The following DLGAP2 variants were observed in gnomAD, a reference collection of about 807,000 sequenced individuals.
DLGAP2 encodes DLG associated protein 2, also known as disks large-associated protein 2.
In DLGAP2, 26 loss-of-function variants were observed where a neutral mutation model predicts 100.3. The observed-to-expected ratio is 0.26, with a 90% CI of 0.19 to 0.36. The LOEUF is 0.36. Ranked by LOEUF, DLGAP2 falls within the 10% of genes least tolerant of loss-of-function variation. The pLI is 1.00. For missense variants in DLGAP2, 1,858 were observed against 1,453.2 expected (o/e 1.28, Z -4.53); for synonymous variants, 886 against 630.1 (o/e 1.41, Z -6.08).
At position 1,708,228 on chromosome 8, in the gene DLGAP2, A is replaced by G. The variant is rs1477849127; in HGVS notation, c.*6822A>G. ...GCAATTAAATTTTTTGAGAAAAGTA[A>G]TGTTTACTTTTTTATTGGAGTGAAT... is the stretch of plus-strand genomic sequence containing the variant. On this transcript the variant is annotated 3_prime_UTR_variant, in exon 15 of 15. Coordinates refer to ENST00000637795, the MANE Select transcript of DLGAP2 (RefSeq NM_001346810.2). 1 of 152,182 alleles carries G rather than the reference A, an allele frequency of 6.6e-6. No individual in the cohort carries two copies. The highest frequency in any genetic ancestry group is 1.5e-5 in the Non-Finnish European group (1 of 68,034). 9.4% of individuals were successfully genotyped at this position (152,182 alleles called of 1,614,324 possible). A position where few individuals can be genotyped will look rare whatever the true frequency, so the allele number is the denominator to read the frequency against.
At chr8:856,787 A>T (rs955294014) in intron 1 of DLGAP2, among the ~76,000 whole-genome samples, 5 of 152,222 alleles carry the variant, frequency 3.3e-5, no homozygotes, top group Admixed American at 2.6e-4. Context: ...TGCTGTTGAG[A>T]TATCCATTTT....
chr8:1,124,889 C>T (rs2129048169), intron 2 of DLGAP2, among the ~76,000 whole-genome samples: 2 of 152,252 alleles, frequency 1.3e-5, no homozygotes, highest in South Asian at 4.1e-4. Flanking sequence ...GATTCCCATT[C>T]CAGTTGCTGA....
intron 12 of DLGAP2, among the ~76,000 whole-genome samples, chr8:1,688,627 T>C (rs1012048643): frequency 2.0e-5 from 3 of 152,174 alleles, no homozygotes; most frequent in Non-Finnish European, 2.9e-5. Context: ...TTCTTTCCCA[T>C]TTTCTGCATG....
At chr8:993,678 G>T (rs1376393761) in intron 2 of DLGAP2, among the ~76,000 whole-genome samples, 1 of 152,036 alleles carries the variant, frequency 6.6e-6, no homozygotes, top group East Asian at 1.9e-4. Flanking sequence ...AGCCTGAGAG[G>T]ACGTCAGTAC....
rs576814568 is a variant in DLGAP2, at chr8:1,530,890, G to C, written c.173-17736G>C. On this transcript the variant is annotated intron_variant, in intron 4 of 14. Coordinates refer to ENST00000637795, the MANE Select transcript of DLGAP2 (RefSeq NM_001346810.2). Reference sequence around the variant, plus strand: ...GGGGTCAGAAGAGACTGTTTCCTATGTGTGAATATCAGCCAGTGGTGTGAT... The same window carrying C: ...GGGGTCAGAAGAGACTGTTTCCTATCTGTGAATATCAGCCAGTGGTGTGAT... Among the ~76,000 whole-genome samples, 3 of 152,308 alleles carry C rather than the reference G, an allele frequency of 2.0e-5. No individual in the cohort carries two copies. The East Asian group carries it at 5.8e-4, about 29-fold the overall frequency.
chr8:1,303,906 T>C (rs1800427281), intron 3 of DLGAP2, among the ~76,000 whole-genome samples: 1 of 152,154 alleles, frequency 6.6e-6, no homozygotes, highest in African/African-American at 2.4e-5. Context: ...GATGGGATTT[T>C]GAGGCCATTC....
intron 1 of DLGAP2, among the ~76,000 whole-genome samples, chr8:745,093 T>C (rs1337906829): frequency 1.3e-5 from 2 of 152,200 alleles, no homozygotes; most frequent in Non-Finnish European, 2.9e-5. Context: ...CCGTCCCTTC[T>C]CCCGCTGCTT....
At chr8:1,165,395 G>A (rs1796996267) in intron 2 of DLGAP2, among the ~76,000 whole-genome samples, 1 of 152,224 alleles carries the variant, frequency 6.6e-6, no homozygotes, top group African/African-American at 2.4e-5. Flanking sequence ...CCGGGCTCGG[G>A]TCTTAGGGGA....
intron 8 of DLGAP2, among the ~76,000 whole-genome samples, chr8:1,661,787 A>G (rs1798414540): frequency 6.6e-6 from 1 of 152,222 alleles, no homozygotes; most frequent in African/African-American, 2.4e-5. Context: ...TCAGGTTTCA[A>G]GACTAGGAGG....
At chr8:1,153,189 G>A (rs1189706754) in intron 2 of DLGAP2, among the ~76,000 whole-genome samples, 2 of 152,222 alleles carry the variant, frequency 1.3e-5, no homozygotes, top group East Asian at 3.9e-4. Flanking sequence ...CGAGCGGTGT[G>A]GCAGGCAGAG....
intron 3 of DLGAP2, among the ~76,000 whole-genome samples, chr8:1,494,834 G>T (rs1279900286): frequency 1.3e-5 from 2 of 152,156 alleles, no homozygotes; most frequent in African/African-American, 4.8e-5. Flanking sequence ...CCACGGGGTT[G>T]AGGCTCAGCT....
intron 5 of DLGAP2, among the ~76,000 whole-genome samples, chr8:1,553,878 G>T (rs1211691678): frequency 6.6e-5 from 10 of 152,150 alleles, no homozygotes; most frequent in Admixed American, 6.5e-4. Context: ...CATCTTAAAA[G>T]TCCCATCTCC....
chr8:1,342,936 C>T (rs944825107), intron 3 of DLGAP2, among the ~76,000 whole-genome samples: 1 of 150,196 alleles, frequency 6.7e-6, no homozygotes, highest in South Asian at 2.1e-4. Flanking sequence ...CCAGCTGTTT[C>T]TCTTTTTCCG....
intron 1 of DLGAP2, among the ~76,000 whole-genome samples, chr8:898,920 C>T (rs1478396061): frequency 3.9e-5 from 6 of 152,210 alleles, no homozygotes; most frequent in East Asian, 1.9e-4. Context: ...CCAGCAGCGC[C>T]GACAGTTCCT....
chr8:1,123,436 A>G (rs1340373337), intron 2 of DLGAP2, among the ~76,000 whole-genome samples: 1 of 152,148 alleles, frequency 6.6e-6, no homozygotes, highest in African/African-American at 2.4e-5. Flanking sequence ...GTCCATGCCC[A>G]TTGTTTTCCA....
intron 2 of DLGAP2, among the ~76,000 whole-genome samples, chr8:1,093,915 C>T (rs922667583): frequency 6.6e-6 from 1 of 151,978 alleles, no homozygotes; most frequent in Non-Finnish European, 1.5e-5. Flanking sequence ...TCTGAGGAAG[C>T]GGGGCTGAAG....
chr8:1,180,755 C>A (rs1003644048), intron 2 of DLGAP2, among the ~76,000 whole-genome samples: 6 of 146,202 alleles, frequency 4.1e-5, no homozygotes, highest in African/African-American at 1.3e-4. Context: ...GTGGGTGTGC[C>A]AGGGCAGTAC....
chr8:1,416,643 T>C (rs1164430604), intron 3 of DLGAP2, among the ~76,000 whole-genome samples: 2 of 152,124 alleles, frequency 1.3e-5, no homozygotes, highest in Non-Finnish European at 2.9e-5. Context: ...AATATCAACA[T>C]GGAAACTCTG....
At chr8:1,379,113 C>G (rs915992895) in intron 3 of DLGAP2, among the ~76,000 whole-genome samples, 2 of 152,270 alleles carry the variant, frequency 1.3e-5, no homozygotes, top group Admixed American at 1.3e-4. Flanking sequence ...AAATGCACAG[C>G]TAGGTGAGGA....
Sources: allele counts gnomAD v4.1 joint callset (sites outside exome capture counted in the v4.1 genomes callset), GRCh38; gene constraint gnomAD v4.1.1; transcripts MANE v1.5; gene names NCBI Gene and HGNC (gene_info 2026-07-23, HGNC 2026-07-21).